The following ITGB6 variants were observed in gnomAD, a reference collection of about 807,000 sequenced individuals.
ITGB6 encodes integrin beta-6.
Under a neutral mutation model 84.5 loss-of-function variants are expected in ITGB6, and 80 were observed. The observed-to-expected ratio is 0.95, with a 90% CI of 0.79 to 1.14. The LOEUF is 1.14. Among genes scored for constraint, ITGB6 ranks in the 50% most tolerant of loss-of-function variants. The pLI, the probability that ITGB6 is intolerant of heterozygous loss-of-function variation, is 0.00. For synonymous variants in ITGB6, 383 were observed against 354.9 expected, an observed-to-expected ratio of 1.08 and a Z score of -0.89; for missense variants, 1,006 against 968.0, an observed-to-expected ratio of 1.04 and a Z score of -0.52.
At chr2:160,136,086 G>A (rs1683700756) in intron 10 of ITGB6, among the ~76,000 whole-genome samples, 1 of 152,144 alleles carries the variant, frequency 6.6e-6, no homozygotes, top group South Asian at 2.1e-4. Context: ...CTTCTGCACA[G>A]TAAAAGAAAC....
chr2:160,119,263 C>CT (rs895165681), intron 12 of ITGB6, among the ~76,000 whole-genome samples: 1 of 152,182 alleles, frequency 6.6e-6, no homozygotes, highest in Non-Finnish European at 1.5e-5. Flanking sequence ...TGACTTCAAA[C>CT]TATACTACAA....
intron 4 of ITGB6, among the ~76,000 whole-genome samples, chr2:160,194,155 T>C (rs1453644271): frequency 6.6e-6 from 1 of 152,042 alleles, no homozygotes; most frequent in Non-Finnish European, 1.5e-5. Context: ...AAACTCCATT[T>C]CAAAACAAAA....
At chr2:160,105,634 A>T (rs1441990291) in intron 14 of ITGB6, among the ~76,000 whole-genome samples, 1 of 152,204 alleles carries the variant, frequency 6.6e-6, no homozygotes, top group East Asian at 1.9e-4. Flanking sequence ...TAGCTCTTCA[A>T]AATGGAAATA....
chr2:160,186,179 C>A (rs986167352), intron 4 of ITGB6, among the ~76,000 whole-genome samples: 17 of 151,214 alleles, frequency 1.1e-4, no homozygotes, highest in Non-Finnish European at 2.2e-4. Context: ...TCAGAGTGAA[C>A]AGGCAACCTA....
At chr2:160,185,569 T>C (rs1341312458) in intron 4 of ITGB6, among the ~76,000 whole-genome samples, 8 of 152,224 alleles carry the variant, frequency 5.3e-5, no homozygotes, top group Non-Finnish European at 1.2e-4. Flanking sequence ...ATAGATTCAA[T>C]GCTATCCCCA....
At chr2:160,175,684 T>C (rs1685390629) in intron 4 of ITGB6, among the ~76,000 whole-genome samples, 2 of 152,258 alleles carry the variant, frequency 1.3e-5, no homozygotes, top group Admixed American at 6.5e-5. Context: ...ACAAGCTTCA[T>C]TCAGGCATGA....
chr2:160,191,667 G>A (rs977454940), intron 4 of ITGB6, among the ~76,000 whole-genome samples: 2 of 151,944 alleles, frequency 1.3e-5, no homozygotes, highest in African/African-American at 4.8e-5. Context: ...GACCCAAGTC[G>A]GTGCAATAAG....
chr2:160,157,929 T>C (rs1389581204), intron 7 of ITGB6, among the ~76,000 whole-genome samples: 1 of 151,968 alleles, frequency 6.6e-6, no homozygotes, highest in Non-Finnish European at 1.5e-5. Flanking sequence ...TCCCGTGAGG[T>C]CTTTCATTCT....
chr2:160,115,722 G>T (rs1417697712), intron 12 of ITGB6, among the ~76,000 whole-genome samples: 1 of 152,162 alleles, frequency 6.6e-6, no homozygotes, highest in Non-Finnish European at 1.5e-5. Flanking sequence ...CCGAGCTACA[G>T]GAGGAAATTC....
At chr2:160,134,104 A>G (rs868378958) in intron 10 of ITGB6, among the ~76,000 whole-genome samples, 41 of 152,334 alleles carry the variant, frequency 2.7e-4, no homozygotes, top group African/African-American at 9.6e-4. Context: ...CAAAAAATCA[A>G]TGAATCCAGG....
chr2:160,196,230 A>C lies in ITGB6; in HGVS notation c.332T>G (p.Leu111Arg), dbSNP rs1014930748. 1 of 1,613,874 alleles carries C rather than the reference A, an allele frequency of 6.2e-7. No individual in the cohort carries two copies. The highest frequency in any genetic ancestry group is 8.5e-7 in the Non-Finnish European group (1 of 1,179,906). Residue 111 changes from leucine (L) to arginine (R), a missense_variant, in exon 3 of 15, where the codon CTT (leucine) becomes CGT (arginine). Transcript: ENST00000283249. ...IVQIAPQSLI[L>R]KLRPGGAQTL... The stretch of plus-strand genomic sequence containing the variant: ...TCCTAACATACCTGGTCTCAACTTA[A>C]GGATCAAGCTTTGAGGCGCAATCTG...
At chr2:160,187,283 T>C (rs1685938514) in intron 4 of ITGB6, among the ~76,000 whole-genome samples, 1 of 152,162 alleles carries the variant, frequency 6.6e-6, no homozygotes, top group African/African-American at 2.4e-5. Context: ...AGCATCATAT[T>C]ACAAAATCAC....
intron 4 of ITGB6, among the ~76,000 whole-genome samples, chr2:160,186,686 T>C (rs1056899581): frequency 5.9e-5 from 9 of 152,150 alleles, no homozygotes; most frequent in Non-Finnish European, 1.3e-4. Context: ...TGTGGCACTG[T>C]TCAAAATAGC....
rs560263169 is a variant in ITGB6 at position 160,120,768 on chromosome 2, G to A, written c.1981+3023C>T. Among the ~76,000 whole-genome samples, 10 of 141,120 alleles carry A rather than the reference G, an allele frequency of 7.1e-5. No homozygotes were observed. The South Asian group carries it at 2.3e-3, about 32-fold the overall frequency. The allele number at this position is 141,120 out of a possible 152,430, so 92.6% of individuals were successfully genotyped here. ...GAGTTCATGTCCTTTGTAGGGACAT[G>A]GATGAAACTGGAAACCATCATTCTC... On this transcript the variant is annotated intron_variant, in intron 12 of 14. Coordinates refer to ENST00000283249, the MANE Select transcript of ITGB6 (RefSeq NM_000888.5).
At chr2:160,187,313 A>T (rs1052560258) in intron 4 of ITGB6, among the ~76,000 whole-genome samples, 1 of 152,230 alleles carries the variant, frequency 6.6e-6, no homozygotes, top group Non-Finnish European at 1.5e-5. Context: ...AAAAAAATCC[A>T]TTCAAAATGA....
chr2:160,159,124 C>G (rs1330472232), intron 7 of ITGB6, among the ~76,000 whole-genome samples: 1 of 151,530 alleles, frequency 6.6e-6, no homozygotes, highest in Admixed American at 6.6e-5. Context: ...GAAATGCAGA[C>G]TCTCAGGCCC....
intron 11 of ITGB6, 136 bp from the exon 12 acceptor site, chr2:160,124,024 C>T (rs1683142598): frequency 1.7e-6 from 1 of 592,596 alleles, no homozygotes; most frequent in Non-Finnish European, 3.0e-6. Context: ...TTGTTACTTT[C>T]AAAAGGATAG....
chr2:160,148,121 C>T (rs1684268703), intron 7 of ITGB6, among the ~76,000 whole-genome samples: 1 of 152,144 alleles, frequency 6.6e-6, no homozygotes, highest in Admixed American at 6.5e-5. Flanking sequence ...AGAAAACAAA[C>T]ATTTCAATTA....
chr2:160,182,891 T>C (rs988302007), intron 4 of ITGB6, among the ~76,000 whole-genome samples: 1 of 152,134 alleles, frequency 6.6e-6, no homozygotes, highest in Non-Finnish European at 1.5e-5. Flanking sequence ...CTCGCCAAAC[T>C]GAGCTTCATA....
Sources: gnomAD v4.1 joint callset for allele counts (sites outside exome capture counted in the v4.1 genomes callset) on GRCh38, gnomAD v4.1.1 for gene constraint, MANE v1.5 for transcripts, NCBI Gene and HGNC (gene_info 2026-07-23, HGNC 2026-07-21) for gene names.